RBM26: variants seen among roughly 807,000 people sequenced by gnomAD.
RBM26 encodes RNA-binding protein 26.
RBM26 carries 30 observed loss-of-function variants against 123.6 expected under a neutral mutation model. The ratio of observed to expected loss-of-function variants is 0.24; its 90% CI spans 0.18 to 0.33. The LOEUF is 0.33. RBM26 is among the 10% of genes least tolerant of loss of function. The pLI is 1.00. For synonymous variants in RBM26, 400 were observed against 404.4 expected (o/e 0.99, Z 0.13); for missense variants, 947 against 1,203.6 (o/e 0.79, Z 3.15).
chr13:79,371,415 C>T (rs963965892), intron 4 of RBM26, among the ~76,000 whole-genome samples: 4 of 152,166 alleles, frequency 2.6e-5, no homozygotes, highest in African/African-American at 7.2e-5. Context: ...ATAAAGGCAT[C>T]TGTATATAAG....
At chr13:79,372,912 C>T (rs1191912171) in intron 3 of RBM26, among the ~76,000 whole-genome samples, 3 of 64,302 alleles carry the variant, frequency 4.7e-5, no homozygotes, top group African/African-American at 1.4e-4. Flanking sequence ...TTATATATTA[C>T]ATATTTTATA....
chr13:79,337,035 TTTAA>T (rs1310015979), intron 19 of RBM26, 63 bp downstream of exon 19: 3 of 1,412,728 alleles, frequency 2.1e-6, no homozygotes, highest in Non-Finnish European at 3.0e-6. Flanking sequence ...TAACTTCCTC[TTTAA>T]TTATGTCTAC....
chr13:79,404,285 C>T (rs759580485), intron 1 of RBM26, among the ~76,000 whole-genome samples: 2 of 152,166 alleles, frequency 1.3e-5, no homozygotes, highest in Non-Finnish European at 2.9e-5. Flanking sequence ...TTCCCTTTCC[C>T]TCATCTCCCG....
chr13:79,312,317 CTTCT>C (rs2066917780), exon 5 of RBM26: 1 of 151,986 alleles, frequency 6.6e-6, no homozygotes, highest in Non-Finnish European at 1.5e-5. Flanking sequence ...CAGGTTTAGC[CTTCT>C]GAGAATGAAA....
At chr13:79,379,907 AAG>A (rs2076949720) in intron 1 of RBM26, among the ~76,000 whole-genome samples, 1 of 152,190 alleles carries the variant, frequency 6.6e-6, no homozygotes, top group Non-Finnish European at 1.5e-5. Flanking sequence ...CCTCACCCAT[AAG>A]AGAAATACAA....
At position 79,401,991 on chromosome 13, in the gene RBM26, T is replaced by TA. The variant is rs2079088130; in HGVS notation, c.71+3712dup. Among the ~76,000 whole-genome samples, 2 of 149,698 alleles carry TA rather than the reference T, an allele frequency of 1.3e-5. 1 individual carries two copies. Among genetic ancestry groups the TA allele is most frequent in the South Asian group, 4.2e-4 (2 of 4,718 alleles). ...CCCTCAATTTTATTTTCTAAAAAAT[T>TA]AAAGTTTCATTAGATGTTTAGGTGT... On this transcript the variant is annotated intron_variant, in intron 1 of 21. Coordinates refer to ENST00000438737, the MANE Select transcript of RBM26 (RefSeq NM_001366735.2).
intron 9 of RBM26, among the ~76,000 whole-genome samples, chr13:79,365,040 T>A (rs2075114918): frequency 6.6e-6 from 1 of 151,992 alleles, no homozygotes; most frequent in African/African-American, 2.4e-5. Context: ...TTCCTTTCCT[T>A]CTTGGACAGT....
At chr13:79,358,030 C>T (rs2074243515) in intron 11 of RBM26, among the ~76,000 whole-genome samples, 1 of 151,906 alleles carries the variant, frequency 6.6e-6, no homozygotes, top group Non-Finnish European at 1.5e-5. Flanking sequence ...TTACAGGTGC[C>T]TGCCACCACA....
In RBM26 at chr13:79,355,175, GCTTT is replaced by G. The variant is rs780117524; in HGVS notation, c.1854+41_1854+44del. ...TCTACTCGTAAACGCTATGCTAAGAGCTTTCTAAGAAATGCGCGTACTTTTACAC... is the reference window on the plus strand; with the variant it reads ...TCTACTCGTAAACGCTATGCTAAGAGCTAAGAAATGCGCGTACTTTTACAC... On this transcript the variant is annotated intron_variant, in intron 12 of 21. Coordinates refer to ENST00000438737, the MANE Select transcript of RBM26 (RefSeq NM_001366735.2). The G allele has an allele frequency of 5.1e-6, 8 of 1,572,532 alleles. No homozygotes were observed. In the East Asian group the frequency reaches 1.8e-4, roughly 35 times the overall value.
At chr13:79,397,837 T>C (rs2078726354) in intron 1 of RBM26, among the ~76,000 whole-genome samples, 1 of 151,980 alleles carries the variant, frequency 6.6e-6, no homozygotes. Context: ...TCAACGTCAA[T>C]ATACAAATAT....
At chr13:79,371,260 A>C in intron 4 of RBM26, 98 bp from the exon 5 acceptor site, 2 of 951,602 alleles carry the variant, frequency 2.1e-6, no homozygotes, top group Non-Finnish European at 3.1e-6. Context: ...TTGTAACTTA[A>C]CTTTCTATCC....
chr13:79,363,220 TTAAC>T (rs1156867892), intron 9 of RBM26, among the ~76,000 whole-genome samples: 1 of 152,212 alleles, frequency 6.6e-6, no homozygotes, highest in Non-Finnish European at 1.5e-5. Context: ...GCATAAAAGT[TTAAC>T]TATCACATAA....
At chr13:79,336,312 A>G (rs1308454626) in intron 19 of RBM26, among the ~76,000 whole-genome samples, 1 of 152,186 alleles carries the variant, frequency 6.6e-6, no homozygotes, top group Non-Finnish European at 1.5e-5. Context: ...TAATTTGATT[A>G]TAAATTATGT....
At chr13:79,365,773 T>G in intron 8 of RBM26, 55 bp from the exon 9 acceptor site, 6 of 1,493,594 alleles carry the variant, frequency 4.0e-6, no homozygotes, top group Non-Finnish European at 5.5e-6. Flanking sequence ...ACTTGGTAAT[T>G]TTTTAATATT....
chr13:79,352,856 T>C (rs1594226057), intron 14 of RBM26, among the ~76,000 whole-genome samples: 1 of 151,882 alleles, frequency 6.6e-6, no homozygotes, highest in East Asian at 1.9e-4. Context: ...GCTGCCAGAG[T>C]TGTCAAATCA....
chr13:79,351,550 G>A (rs1235519801), intron 14 of RBM26, among the ~76,000 whole-genome samples: 5 of 148,836 alleles, frequency 3.4e-5, no homozygotes, highest in Admixed American at 1.3e-4. Flanking sequence ...TTTCATGGGA[G>A]ATGTTAGAGA....
At chr13:79,343,615 C>G (rs1247848125) in intron 16 of RBM26, among the ~76,000 whole-genome samples, 3 of 151,618 alleles carry the variant, frequency 2.0e-5, no homozygotes, top group Non-Finnish European at 4.4e-5. Context: ...TAACTCAGTC[C>G]AAAAGAAAGA....
chr13:79,392,098 T>C (rs1364178533), intron 1 of RBM26, among the ~76,000 whole-genome samples: 1 of 134,378 alleles, frequency 7.4e-6, no homozygotes, highest in East Asian at 2.0e-4. Context: ...TATAATAATG[T>C]ATTATACAAT....
At chr13:79,322,696 A>C (rs1431970483) in intron 20 of RBM26, among the ~76,000 whole-genome samples, 1 of 151,568 alleles carries the variant, frequency 6.6e-6, no homozygotes, top group Non-Finnish European at 1.5e-5. Flanking sequence ...TCCTTTAAAA[A>C]GAAAACAAGA....
Sources: allele counts gnomAD v4.1 joint callset (sites outside exome capture counted in the v4.1 genomes callset), GRCh38; gene constraint gnomAD v4.1.1; transcripts MANE v1.5; gene names NCBI Gene and HGNC (gene_info 2026-07-23, HGNC 2026-07-21).